TRERF1: variants seen among roughly 807,000 people sequenced by gnomAD.
The protein encoded by TRERF1 is transcriptional-regulating factor 1.
A neutral mutation model predicts 122.9 loss-of-function variants in TRERF1; 27 were observed. That is an observed-to-expected ratio of 0.22 (90% CI 0.16 to 0.30). TRERF1 has a LOEUF of 0.30. Ranked by LOEUF, TRERF1 falls within the 10% of genes least tolerant of loss-of-function variation. The probability of loss-of-function intolerance (pLI) is 1.00; values close to 1 mark genes in which losing one functional copy is unlikely to be tolerated. For missense variants in TRERF1, 1,248 were observed against 1,560.3 expected, an observed-to-expected ratio of 0.80 and a Z score of 3.37; for synonymous variants, 636 against 641.7, an observed-to-expected ratio of 0.99 and a Z score of 0.13.
At chr6:42,350,391 T>C (rs1164620830) in intron 3 of TRERF1, among the ~76,000 whole-genome samples, 1 of 152,238 alleles carries the variant, frequency 6.6e-6, no homozygotes, top group African/African-American at 2.4e-5. Context: ...ATGTGTTCTT[T>C]ATAAGCTCTA....
At chr6:42,348,029 A>G (rs1768659468) in intron 3 of TRERF1, among the ~76,000 whole-genome samples, 1 of 152,214 alleles carries the variant, frequency 6.6e-6, no homozygotes, top group Admixed American at 6.5e-5. Context: ...TGGCTTGAGT[A>G]AATAGGAACC....
At chr6:42,233,052 A>T in intron 16 of TRERF1, 124 bp from the exon 17 acceptor site, 1 of 1,007,902 alleles carries the variant, frequency 9.9e-7, no homozygotes, top group Non-Finnish European at 1.4e-6. Context: ...AAAGGTAAAG[A>T]TCAAATACCA....
At chr6:42,379,818 G>T (rs1235228930) in intron 2 of TRERF1, among the ~76,000 whole-genome samples, 2 of 152,230 alleles carry the variant, frequency 1.3e-5, no homozygotes, top group Non-Finnish European at 2.9e-5. Context: ...TGGGATTACA[G>T]GTGTGAGCCA....
At chr6:42,447,024 C>T (rs72859312) in intron 2 of TRERF1, among the ~76,000 whole-genome samples, 1,884 of 152,056 alleles carry the variant, frequency 0.012, 37 homozygotes, top group East Asian at 0.088. Flanking sequence ...AACAAACAAA[C>T]AAAACCCTCG....
In TRERF1 at chr6:42,393,384, CT is replaced by C. The variant is rs1171923292; in HGVS notation, c.-453-30306del. On this transcript the variant is annotated intron_variant, in intron 2 of 17. Transcript: ENST00000372922. This position sits in a 1 kb window ranked among gnomAD's most constrained non-coding sequence, Gnocchi z 4.1. ...CAGTATCTTCTGGGGCAGCCAAGGC[CT>C]CTCATCATCCCCTCTGCCCCTGAGA... Among the ~76,000 whole-genome samples the C allele has an allele frequency of 6.6e-6, 1 of 152,180 alleles. No individual in the cohort carries two copies. Among genetic ancestry groups the C allele is most frequent in the Non-Finnish European group, 1.5e-5 (1 of 68,036 alleles).
intron 4 of TRERF1, among the ~76,000 whole-genome samples, chr6:42,280,092 G>A (rs184534633): frequency 6.6e-6 from 1 of 152,196 alleles, no homozygotes; most frequent in Non-Finnish European, 1.5e-5. Context: ...TCGGTGCCAC[G>A]GGGAGCATTC....
chr6:42,297,223 A>G (rs1031615476), intron 4 of TRERF1, among the ~76,000 whole-genome samples: 1 of 152,234 alleles, frequency 6.6e-6, no homozygotes, highest in South Asian at 2.1e-4. Context: ...GCAATATGGC[A>G]GACCGGATAC....
chr6:42,418,551 G>A (rs906274795), intron 2 of TRERF1, among the ~76,000 whole-genome samples: 4 of 151,986 alleles, frequency 2.6e-5, no homozygotes, highest in Non-Finnish European at 4.4e-5. Flanking sequence ...GGTTACAGGC[G>A]TGAGCCACCG....
At chr6:42,328,003 T>TC (rs1188182959) in intron 3 of TRERF1, among the ~76,000 whole-genome samples, 1 of 104,024 alleles carries the variant, frequency 9.6e-6, no homozygotes, top group African/African-American at 4.8e-5. Context: ...TTTCTTTCTT[T>TC]CTTTTTTTTT....
At chr6:42,418,718 G>C (rs989357372) in intron 2 of TRERF1, among the ~76,000 whole-genome samples, 1 of 152,110 alleles carries the variant, frequency 6.6e-6, no homozygotes, top group Non-Finnish European at 1.5e-5. Context: ...GGGGCTGCCT[G>C]TGGCCTGCGG....
intron 15 of TRERF1, 53 bp downstream of exon 15, chr6:42,243,195 G>A: frequency 6.8e-7 from 1 of 1,477,556 alleles, no homozygotes; most frequent in Non-Finnish European, 9.4e-7. Context: ...ACTAACCTGG[G>A]CCTGGGGTGG....
In TRERF1 at chr6:42,236,278, G is replaced by A. The variant is rs34528654; in HGVS notation, c.2993C>T (p.Thr998Met). ...CAGGGCCTGCAGGGGCGGCCCCTCC[G>A]TGGGAGCCAGGACGGGGACGGGTGG... Residue 998 changes from threonine (T) to methionine (M), a missense_variant, in exon 16 of 18, where the codon ACG becomes ATG. Physicochemically the swap from Thr to Met is moderately conservative, Grantham distance 81. Coordinates refer to ENST00000372922, the Ensembl canonical transcript of TRERF1. The A allele has an allele frequency of 9.5e-3, 15,262 of 1,612,582 alleles. 121 individuals are homozygous for A. The highest frequency in any genetic ancestry group is 0.01 in the Non-Finnish European group (12,362 of 1,179,376).
intron 2 of TRERF1, among the ~76,000 whole-genome samples, chr6:42,372,998 T>A (rs1167655978): frequency 1.3e-5 from 2 of 152,186 alleles, no homozygotes; most frequent in Non-Finnish European, 2.9e-5. Context: ...CAGCTCCACA[T>A]TTTTCCTCAG....
At chr6:42,287,655 C>G (rs1783509594) in intron 4 of TRERF1, among the ~76,000 whole-genome samples, 1 of 152,200 alleles carries the variant, frequency 6.6e-6, no homozygotes, top group Non-Finnish European at 1.5e-5. Flanking sequence ...GATCCTGAAT[C>G]AGAAACTGGG....
rs534148452 is a variant in TRERF1, at chr6:42,270,182, C to CCT, written c.-258-336_-258-335dup. ...GCCTAGGTGACAGCATAAAACCGCA[C>CCT]CTCTCTCTCTCTCTGTGTGTGTGTA... On this transcript the variant is annotated intron_variant, in intron 4 of 17. Transcript: ENST00000372922. Among the ~76,000 whole-genome samples, 170 of 151,466 alleles carry CCT rather than the reference C, an allele frequency of 1.1e-3. 1 individual carries two copies. The highest frequency in any genetic ancestry group is 2.0e-3 in the Admixed American group (30 of 15,194).
At chr6:42,358,083 G>A (rs1479453140) in intron 3 of TRERF1, among the ~76,000 whole-genome samples, 2 of 152,076 alleles carry the variant, frequency 1.3e-5, no homozygotes, top group African/African-American at 4.8e-5. Flanking sequence ...ATATGTGGGG[G>A]GTTGGGGGTG....
chr6:42,302,109 T>A (rs1361216240), intron 3 of TRERF1, among the ~76,000 whole-genome samples: 3 of 152,204 alleles, frequency 2.0e-5, no homozygotes, highest in Non-Finnish European at 4.4e-5. Context: ...CAACCCCGCC[T>A]GAAGCTCCCT....
At chr6:42,312,861 G>C (rs1370844001) in intron 3 of TRERF1, among the ~76,000 whole-genome samples, 1 of 152,168 alleles carries the variant, frequency 6.6e-6, no homozygotes, top group African/African-American at 2.4e-5. Flanking sequence ...ACACGAAATA[G>C]GTTCTACCAA....
At chr6:42,256,544 A>AT (rs1283950307) in intron 12 of TRERF1, among the ~76,000 whole-genome samples, 184 bp downstream of exon 12, 4 of 151,972 alleles carry the variant, frequency 2.6e-5, no homozygotes, top group Admixed American at 2.0e-4. Flanking sequence ...CCAATTGGAG[A>AT]TTTTTTTCTA....
Sources: gnomAD v4.1 joint callset for allele counts (sites outside exome capture counted in the v4.1 genomes callset) on GRCh38, gnomAD v4.1.1 for gene constraint, Gnocchi (gnomAD v3.1) non-coding constraint, MANE v1.5 for transcripts, NCBI Gene and HGNC (gene_info 2026-07-23, HGNC 2026-07-21) for gene names.